KCNQ3: variants seen among roughly 807,000 people sequenced by gnomAD.
KCNQ3 encodes the protein potassium voltage-gated channel subfamily KQT member 3.
A neutral mutation model predicts 92.5 loss-of-function variants in KCNQ3; 30 were observed. The ratio of observed to expected loss-of-function variants is 0.32; its 90% CI spans 0.24 to 0.44. The LOEUF (loss-of-function observed/expected upper bound fraction) is 0.44, where lower values mean the gene tolerates loss of function less well. Ranked by LOEUF, KCNQ3 falls within the 20% of genes least tolerant of loss-of-function variation. The pLI, the probability that KCNQ3 is intolerant of heterozygous loss-of-function variation, is 1.00. For synonymous variants in KCNQ3, 450 were observed against 468.8 expected (o/e 0.96, Z 0.52); for missense variants, 913 against 1,140.3 (o/e 0.80, Z 2.87).
At chr8:132,130,865 C>T (rs561040022) in intron 14 of KCNQ3, among the ~76,000 whole-genome samples, 2 of 152,318 alleles carry the variant, frequency 1.3e-5, no homozygotes, top group East Asian at 3.9e-4. Flanking sequence ...TGTATGTGCA[C>T]ACGTGTGTGA....
chr8:132,273,552 G>A (rs1816230727), intron 1 of KCNQ3, among the ~76,000 whole-genome samples: 1 of 152,166 alleles, frequency 6.6e-6, no homozygotes, highest in Non-Finnish European at 1.5e-5. Flanking sequence ...TATTGTCTTG[G>A]GGATCAACAT....
intron 3 of KCNQ3, among the ~76,000 whole-genome samples, chr8:132,183,723 G>A (rs1242532149): frequency 6.6e-6 from 1 of 152,194 alleles, no homozygotes; most frequent in Non-Finnish European, 1.5e-5. Context: ...CTGGGTGTTA[G>A]GACAGAATCC....
At chr8:132,161,671 A>G (rs1478835631) in intron 9 of KCNQ3, among the ~76,000 whole-genome samples, 2 of 152,066 alleles carry the variant, frequency 1.3e-5, no homozygotes, top group East Asian at 1.9e-4. Context: ...AAAAGAAAAA[A>G]AAAAGAAATA....
At chr8:132,293,262 C>G (rs546868407) in intron 1 of KCNQ3, among the ~76,000 whole-genome samples, 2 of 152,242 alleles carry the variant, frequency 1.3e-5, no homozygotes, top group African/African-American at 4.8e-5. Context: ...TCATGGGAAC[C>G]CCAACTGGCA....
At chr8:132,147,112 A>G (rs918625919) in intron 9 of KCNQ3, among the ~76,000 whole-genome samples, 11 of 152,244 alleles carry the variant, frequency 7.2e-5, no homozygotes, top group Non-Finnish European at 1.6e-4. Flanking sequence ...CTGAAAAGGA[A>G]GCCACTGAAG....
chr8:132,376,927 G>A (rs1046578096), intron 1 of KCNQ3, among the ~76,000 whole-genome samples: 27 of 152,216 alleles, frequency 1.8e-4, no homozygotes, highest in African/African-American at 6.3e-4. Flanking sequence ...GAAGGAGTGG[G>A]TGAAGGGAAA....
chr8:132,212,959 C>T (rs1813906906), intron 1 of KCNQ3, among the ~76,000 whole-genome samples: 1 of 152,192 alleles, frequency 6.6e-6, no homozygotes, highest in East Asian at 1.9e-4. Context: ...TCCAGTCACA[C>T]CAGGAGCCTA....
In KCNQ3 at chr8:132,129,109, C is replaced by T. The variant is rs1651264010; in HGVS notation, c.*153G>A. 1.3e-6 allele frequency: 1 copy of T among 784,238 alleles called. No individual in the cohort carries two copies. Among genetic ancestry groups the T allele is most frequent in the Admixed American group, 2.3e-5 (1 of 43,466 alleles). The allele number at this position is 784,238 out of a possible 1,614,324, so 48.6% of individuals were successfully genotyped here. A position where few individuals can be genotyped will look rare whatever the true frequency, so the allele number is the denominator to read the frequency against. ...TTGTGGTGACATGGGGAGGAAGAGG[C>T]TGTGGGAAGCCCCTGCCTGGGTGGG... On this transcript the variant is annotated 3_prime_UTR_variant, in exon 15 of 15. Transcript: ENST00000388996. The surrounding 1 kb of genome is among the most constrained non-coding windows in gnomAD (Gnocchi z 5.9).
chr8:132,441,954 C>T (rs899775358), intron 1 of KCNQ3, among the ~76,000 whole-genome samples: 1 of 152,244 alleles, frequency 6.6e-6, no homozygotes, highest in East Asian at 1.9e-4. Context: ...GGCCATTATC[C>T]TCAGCAAACT....
At chr8:132,201,419 C>A (rs555804229) in intron 1 of KCNQ3, among the ~76,000 whole-genome samples, 1 of 152,126 alleles carries the variant, frequency 6.6e-6, no homozygotes, top group Non-Finnish European at 1.5e-5. Context: ...GTGAGACTCA[C>A]AGCACAATTC....
At chr8:132,195,321 C>T (rs140477463) in intron 1 of KCNQ3, among the ~76,000 whole-genome samples, 4 of 152,330 alleles carry the variant, frequency 2.6e-5, no homozygotes, top group African/African-American at 9.6e-5. Context: ...TAATACAAAA[C>T]TCACAACTAT....
intron 1 of KCNQ3, among the ~76,000 whole-genome samples, chr8:132,423,013 C>T (rs1399987913): frequency 2.0e-5 from 3 of 152,158 alleles, no homozygotes; most frequent in Non-Finnish European, 4.4e-5. Context: ...GATGGCTAGA[C>T]TGGGAGCCCC....
At chr8:132,322,092 A>G (rs1817912487) in intron 1 of KCNQ3, among the ~76,000 whole-genome samples, 1 of 152,188 alleles carries the variant, frequency 6.6e-6, no homozygotes, top group African/African-American at 2.4e-5. Flanking sequence ...GGAGAGAGAT[A>G]AGACGGTTAA....
intron 9 of KCNQ3, among the ~76,000 whole-genome samples, chr8:132,151,048 T>C (rs974462972): frequency 6.6e-6 from 1 of 152,240 alleles, no homozygotes; most frequent in Non-Finnish European, 1.5e-5. Flanking sequence ...GACTAAATTA[T>C]GCAGGTCAGA....
chr8:132,441,968 A>G (rs1283910787), intron 1 of KCNQ3, among the ~76,000 whole-genome samples: 6 of 152,294 alleles, frequency 3.9e-5, no homozygotes, highest in African/African-American at 1.4e-4. Context: ...GCAAACTAAC[A>G]CAGGAACAGA....
At chr8:132,141,432 A>G (rs1310925341) in intron 9 of KCNQ3, 101 bp from the exon 10 acceptor site, 4 of 1,021,038 alleles carry the variant, frequency 3.9e-6, no homozygotes, top group Non-Finnish European at 4.5e-6. Flanking sequence ...CCAAGGAGAA[A>G]TGGGGACCGT....
At chr8:132,233,333 C>T (rs1322463299) in intron 1 of KCNQ3, among the ~76,000 whole-genome samples, 2 of 152,122 alleles carry the variant, frequency 1.3e-5, no homozygotes, top group African/African-American at 4.8e-5. Context: ...TTTTATTTTC[C>T]CTTGCTATCT....
intron 1 of KCNQ3, among the ~76,000 whole-genome samples, chr8:132,199,298 G>T (rs1479554099): frequency 6.6e-6 from 1 of 152,124 alleles, no homozygotes; most frequent in Non-Finnish European, 1.5e-5. Flanking sequence ...ATATAATTTG[G>T]CATTAAGAGC....
intron 1 of KCNQ3, among the ~76,000 whole-genome samples, chr8:132,188,195 G>C (rs1309391942): frequency 6.6e-6 from 1 of 152,178 alleles, no homozygotes. Flanking sequence ...GGGGAATGAG[G>C]ATAATGAATC....
Sources: allele counts gnomAD v4.1 joint callset (sites outside exome capture counted in the v4.1 genomes callset), GRCh38; gene constraint gnomAD v4.1.1; non-coding constraint Gnocchi (gnomAD v3.1); transcripts MANE v1.5; gene names NCBI Gene and HGNC (gene_info 2026-07-23, HGNC 2026-07-21).